The following AKAP6 variants were observed in gnomAD, a reference collection of about 807,000 sequenced individuals.
The protein encoded by AKAP6 is A-kinase anchor protein 6.
Under a neutral mutation model 188.5 loss-of-function variants are expected in AKAP6, and 58 were observed. The ratio of observed to expected loss-of-function variants is 0.31; its 90% CI spans 0.25 to 0.38. The LOEUF (loss-of-function observed/expected upper bound fraction) is 0.38. Among genes scored for constraint, AKAP6 ranks in the 10% least tolerant of loss-of-function variants. AKAP6 has a pLI of 1.00. For synonymous variants in AKAP6, 989 were observed against 998.6 expected (o/e 0.99, Z 0.18); for missense variants, 2,710 against 2,740.0 (o/e 0.99, Z 0.24).
At chr14:32,748,986 A>G (rs1167657887) in intron 11 of AKAP6, among the ~76,000 whole-genome samples, 1 of 152,186 alleles carries the variant, frequency 6.6e-6, no homozygotes, top group Non-Finnish European at 1.5e-5. Flanking sequence ...TTAGACCTTC[A>G]TTTAAGGAGA....
chr14:32,758,837 T>C (rs374937019), intron 11 of AKAP6, among the ~76,000 whole-genome samples: 1 of 152,294 alleles, frequency 6.6e-6, no homozygotes, highest in East Asian at 1.9e-4. Flanking sequence ...TAAACAGAAT[T>C]AAAAACACAT....
At position 32,593,011 on chromosome 14, in the gene AKAP6, AACACACACACACAC is replaced by A. The variant is rs60277036; in HGVS notation, c.2470-6361_2470-6348del. Among the ~76,000 whole-genome samples the A allele has an allele frequency of 8.5e-3, 1,058 of 123,872 alleles. 15 individuals are homozygous for A. Among genetic ancestry groups the A allele is most frequent in the African/African-American group, 0.023 (744 of 31,786 alleles). The allele number at this position is 123,872 out of a possible 152,430, so 81.3% of individuals were successfully genotyped here. On this transcript the variant is annotated intron_variant, in intron 5 of 13. Transcript: ENST00000280979. ...ACACAGTGTCCCCTACCCCCACCCC[AACACACACACACAC>A]ACACACACACACACACACACACACA...
chr14:32,356,643 A>G (rs1887494221), intron 1 of AKAP6, among the ~76,000 whole-genome samples: 1 of 152,106 alleles, frequency 6.6e-6, no homozygotes, highest in Admixed American at 6.5e-5. Context: ...ATTGTATGTC[A>G]TAAAAAGCCC....
intron 2 of AKAP6, among the ~76,000 whole-genome samples, chr14:32,469,333 A>C (rs1203163815): frequency 2.6e-5 from 4 of 152,206 alleles, no homozygotes; most frequent in Admixed American, 6.5e-5. Flanking sequence ...TCCCCCAAGT[A>C]ATTTAAGAAG....
chr14:32,607,074 T>C (rs1234734256), intron 7 of AKAP6, among the ~76,000 whole-genome samples: 1 of 152,180 alleles, frequency 6.6e-6, no homozygotes, highest in Non-Finnish European at 1.5e-5. Flanking sequence ...TGGGTAACTT[T>C]CTTTAACTGA....
At chr14:32,722,489 T>C (rs1156317587) in intron 9 of AKAP6, among the ~76,000 whole-genome samples, 1 of 152,238 alleles carries the variant, frequency 6.6e-6, no homozygotes, top group East Asian at 1.9e-4. Context: ...AATGAGAACA[T>C]GCATTCCTGT....
chr14:32,710,365 T>TCGG (rs1890994616), intron 9 of AKAP6, among the ~76,000 whole-genome samples: 2 of 152,070 alleles, frequency 1.3e-5, no homozygotes, highest in Non-Finnish European at 2.9e-5. Flanking sequence ...TATGTGGCTA[T>TCGG]CTATTTTTAA....
At chr14:32,653,331 A>G (rs1044869503) in intron 7 of AKAP6, among the ~76,000 whole-genome samples, 8 of 152,114 alleles carry the variant, frequency 5.3e-5, no homozygotes, top group African/African-American at 9.7e-5. Context: ...GTAATCCCCA[A>G]TGCTGGAGGC....
At chr14:32,689,292 G>A (rs564868114) in intron 8 of AKAP6, among the ~76,000 whole-genome samples, 10 of 152,074 alleles carry the variant, frequency 6.6e-5, no homozygotes, top group South Asian at 2.1e-4. Flanking sequence ...AGATTATCTC[G>A]TTGGTTAGAA....
At chr14:32,819,836 T>G (rs1475449515) in intron 12 of AKAP6, among the ~76,000 whole-genome samples, 2 of 152,028 alleles carry the variant, frequency 1.3e-5, no homozygotes, top group African/African-American at 2.4e-5. Flanking sequence ...TAGTCCCAGA[T>G]ACTTGGGAGG....
At position 32,466,397 on chromosome 14, in the gene AKAP6, T is replaced by TA. The variant is rs575940478; in HGVS notation, c.324+32586dup. On this transcript the variant is annotated intron_variant, in intron 2 of 13. Transcript: ENST00000280979. ...TACACCATGGAATACTATGCAGCCA[T>TA]AAAAAAGAATGAGTTCATGTCCTTT... Among the ~76,000 whole-genome samples the TA allele has an allele frequency of 9.2e-3, 1,395 of 152,164 alleles. 7 individuals are homozygous for TA. The highest frequency in any genetic ancestry group is 0.015 in the Non-Finnish European group (1,001 of 67,996).
At chr14:32,614,941 C>T (rs147640915) in intron 7 of AKAP6, among the ~76,000 whole-genome samples, 2,130 of 151,736 alleles carry the variant, frequency 0.014, 51 homozygotes, top group African/African-American at 0.048. Context: ...GAGGCCAAGG[C>T]GGGCAGATCA....
At chr14:32,378,170 A>G (rs1888221646) in intron 1 of AKAP6, among the ~76,000 whole-genome samples, 1 of 134,216 alleles carries the variant, frequency 7.5e-6, no homozygotes, top group African/African-American at 2.7e-5. Context: ...ACAAAACCTA[A>G]TTGTCATGGC....
intron 7 of AKAP6, among the ~76,000 whole-genome samples, chr14:32,654,710 A>C (rs1049211215): frequency 6.6e-6 from 1 of 151,310 alleles, no homozygotes; most frequent in Non-Finnish European, 1.5e-5. Context: ...TTAGCTGGGC[A>C]TGGTGGCACA....
chr14:32,642,489 C>T (rs1372028837), intron 7 of AKAP6, among the ~76,000 whole-genome samples: 1 of 152,162 alleles, frequency 6.6e-6, no homozygotes, highest in African/African-American at 2.4e-5. Flanking sequence ...ATATACTTGG[C>T]AGCTGTATAG....
intron 3 of AKAP6, 38 bp downstream of exon 3, chr14:32,535,843 G>A (rs1369370255): frequency 2.5e-6 from 4 of 1,579,648 alleles, no homozygotes; most frequent in Non-Finnish European, 3.4e-6. Context: ...TGCATTTCCA[G>A]GTATGACCAA....
chr14:32,382,957 A>G (rs1888416023), intron 1 of AKAP6, among the ~76,000 whole-genome samples: 1 of 152,138 alleles, frequency 6.6e-6, no homozygotes, highest in South Asian at 2.1e-4. Context: ...TCTGGACACT[A>G]GCTTCAAAAT....
intron 1 of AKAP6, among the ~76,000 whole-genome samples, chr14:32,360,965 T>C (rs1887640912): frequency 1.3e-5 from 2 of 151,340 alleles, no homozygotes; most frequent in Non-Finnish European, 2.9e-5. Flanking sequence ...CCCTGGCTAC[T>C]CTTGAACTCC....
At chr14:32,369,802 G>T (rs1360025806) in intron 1 of AKAP6, among the ~76,000 whole-genome samples, 1 of 152,134 alleles carries the variant, frequency 6.6e-6, no homozygotes, top group Non-Finnish European at 1.5e-5. Context: ...AGGCCGAGGT[G>T]GGTGGATCAC....
Sources: gnomAD v4.1 joint callset for allele counts (sites outside exome capture counted in the v4.1 genomes callset) on GRCh38, gnomAD v4.1.1 for gene constraint, MANE v1.5 for transcripts, NCBI Gene and HGNC (gene_info 2026-07-23, HGNC 2026-07-21) for gene names.